The following LRBA variants were observed in gnomAD, a reference collection of about 807,000 sequenced individuals.
LRBA encodes the protein lipopolysaccharide-responsive and beige-like anchor protein.
A neutral mutation model predicts 330.0 loss-of-function variants in LRBA; 176 were observed. The observed-to-expected ratio is 0.53, with a 90% CI of 0.47 to 0.60. LRBA has a LOEUF of 0.60. LRBA is among the 20% of genes least tolerant of loss of function. The probability of loss-of-function intolerance (pLI) is 0.00; values close to 1 mark genes in which losing one functional copy is unlikely to be tolerated. For synonymous variants in LRBA, 1,230 were observed against 1,193.0 expected, an observed-to-expected ratio of 1.03 and a Z score of -0.64; for missense variants, 3,259 against 3,444.8, an observed-to-expected ratio of 0.95 and a Z score of 1.35.
At chr4:150,888,312 G>A (rs1180952660) in intron 17 of LRBA, among the ~76,000 whole-genome samples, 1 of 152,108 alleles carries the variant, frequency 6.6e-6, no homozygotes, top group Non-Finnish European at 1.5e-5. Context: ...TCTTCTAAAG[G>A]AAGTTCTTCA....
intron 44 of LRBA, among the ~76,000 whole-genome samples, chr4:150,446,412 A>G (rs926801211): frequency 2.6e-5 from 4 of 152,126 alleles, no homozygotes; most frequent in Non-Finnish European, 5.9e-5. Context: ...AACAGAAGAC[A>G]CTCTAATAAT....
chr4:150,494,514 T>C (rs567819680), intron 40 of LRBA, among the ~76,000 whole-genome samples: 1 of 152,222 alleles, frequency 6.6e-6, no homozygotes, highest in Non-Finnish European at 1.5e-5. Context: ...GACTACTCCA[T>C]TTATTAGGAG....
At chr4:150,724,625 CAACTAAGA>C (rs1344880244) in intron 36 of LRBA, among the ~76,000 whole-genome samples, 3 of 152,014 alleles carry the variant, frequency 2.0e-5, no homozygotes, top group Non-Finnish European at 4.4e-5. Flanking sequence ...AGACATATGA[CAACTAAGA>C]TAGTTAATTC....
rs192555894 is a variant in LRBA, at chr4:150,468,121, T to C, written c.6668-336A>G. Among the ~76,000 whole-genome samples the C allele has an allele frequency of 2.3e-3, 346 of 152,196 alleles. 7 individuals are homozygous for C. Among genetic ancestry groups the C allele is most frequent in the Non-Finnish European group, 6.8e-4 (46 of 67,940 alleles). ...TAATTTTTTTTATCACTTGAAAGCC[T>C]GCCCCAAATAAAATACTCTTTTTTT... On this transcript the variant is annotated intron_variant, in intron 43 of 56. Coordinates refer to ENST00000651943, the MANE Select transcript of LRBA (RefSeq NM_001364905.1).
chr4:150,704,335 C>A (rs1398663776), intron 36 of LRBA, among the ~76,000 whole-genome samples: 1 of 151,452 alleles, frequency 6.6e-6, no homozygotes, highest in Admixed American at 6.6e-5. Context: ...CTTGGTGGGG[C>A]AAAGATACTG....
At position 150,350,147 on chromosome 4, in the gene LRBA, C is replaced by G. The variant is rs1376927285; in HGVS notation, c.7207G>C (p.Glu2403Gln). ...VHINRLALES[E>Q]FVSCQLHQWI... ...TGGTGAAGCTGGCAGGAAACAAATT[C>G]ACTCTCCAGGGCCTGAAAAAAGGTA... The change falls in exon 48 of 57, where the codon GAA (glutamate) becomes CAA (glutamine). Residue 2403 changes from glutamate (E) to glutamine (Q), a missense_variant. Glu to Gln is a conservative substitution (Grantham distance 29). Transcript: ENST00000651943. 4 of 1,583,642 alleles carry G rather than the reference C, an allele frequency of 2.5e-6. No individual in the cohort carries two copies. Among genetic ancestry groups the G allele is most frequent in the Non-Finnish European group, 3.4e-6 (4 of 1,168,146 alleles).
intron 37 of LRBA, among the ~76,000 whole-genome samples, chr4:150,644,016 T>C (rs1356585233): frequency 6.6e-6 from 1 of 151,908 alleles, no homozygotes; most frequent in Non-Finnish European, 1.5e-5. Context: ...GTTTCAAATG[T>C]CACACATATA....
chr4:150,486,323 C>G (rs1757864997), intron 42 of LRBA, among the ~76,000 whole-genome samples: 1 of 151,638 alleles, frequency 6.6e-6, no homozygotes. Context: ...CTTTTTTATG[C>G]AATTTGGTTT....
chr4:150,824,322 T>C (rs1482241340), intron 30 of LRBA, among the ~76,000 whole-genome samples: 1 of 152,168 alleles, frequency 6.6e-6, no homozygotes, highest in African/African-American at 2.4e-5. Context: ...TTATGGACTC[T>C]TTAGGTTTTT....
chr4:150,417,447 A>G (rs575128619), intron 46 of LRBA, among the ~76,000 whole-genome samples: 2 of 152,274 alleles, frequency 1.3e-5, no homozygotes, highest in East Asian at 3.9e-4. Flanking sequence ...TTGTTTCACA[A>G]TAAAGAGGGA....
intron 34 of LRBA, among the ~76,000 whole-genome samples, chr4:150,784,772 G>A (rs1026942438): frequency 3.9e-5 from 6 of 151,940 alleles, no homozygotes; most frequent in African/African-American, 1.2e-4. Context: ...ACCACTCCAC[G>A]TGTGTCAGTG....
chr4:150,979,913 A>C (rs2149602183), intron 2 of LRBA, among the ~76,000 whole-genome samples: 1 of 152,292 alleles, frequency 6.6e-6, no homozygotes, highest in East Asian at 1.9e-4. Flanking sequence ...ACTAATACCA[A>C]TCCTACTCAA....
intron 44 of LRBA, among the ~76,000 whole-genome samples, chr4:150,462,403 T>C (rs1305331957): frequency 2.0e-5 from 3 of 151,832 alleles, no homozygotes; most frequent in Middle Eastern, 3.2e-3. Flanking sequence ...ATCTTCTCAA[T>C]GTACTTATGA....
chr4:150,322,878 C>T (rs1236401275), intron 49 of LRBA, among the ~76,000 whole-genome samples: 1 of 152,126 alleles, frequency 6.6e-6, no homozygotes, highest in East Asian at 1.9e-4. Flanking sequence ...AGCAGCAAAA[C>T]CAGACAAATA....
chr4:150,883,719 T>C (rs1407655064), intron 17 of LRBA, among the ~76,000 whole-genome samples: 1 of 152,192 alleles, frequency 6.6e-6, no homozygotes, highest in Non-Finnish European at 1.5e-5. Context: ...TTAAACTACA[T>C]AACTAATATA....
chr4:150,433,205 A>C lies in LRBA; in HGVS notation c.7041+2384T>G, dbSNP rs969423258. ...AAGAATAATAAGAAAAATAAGGAAG[A>C]AGAAAGGTAAAGAAGACCATGTGAT... On this transcript the variant is annotated intron_variant, in intron 46 of 56. Coordinates refer to ENST00000651943, the MANE Select transcript of LRBA (RefSeq NM_001364905.1). Among the ~76,000 whole-genome samples, 39 of 152,278 alleles carry C rather than the reference A, an allele frequency of 2.6e-4. 1 individual carries two copies. Among genetic ancestry groups the C allele is most frequent in the Admixed American group, 2.6e-3 (39 of 15,294 alleles).
intron 38 of LRBA, among the ~76,000 whole-genome samples, chr4:150,593,160 A>T (rs1345050403): frequency 3.3e-5 from 5 of 152,104 alleles, no homozygotes; most frequent in Non-Finnish European, 5.9e-5. Flanking sequence ...CATCTTCTAA[A>T]TGTTTTTATA....
chr4:150,696,091 A>G (rs993386197), intron 36 of LRBA, among the ~76,000 whole-genome samples: 1 of 152,088 alleles, frequency 6.6e-6, no homozygotes, highest in Non-Finnish European at 1.5e-5. Flanking sequence ...TCAGCTGGGC[A>G]TGGTGGCATG....
chr4:150,867,686 T>G lies in LRBA; in HGVS notation c.2751A>C (p.Ser917=), dbSNP rs145569740. 2.6e-5 allele frequency: 41 copies of G among 1,607,450 alleles called. No individual in the cohort carries two copies. The African/African-American group carries it at 4.8e-4, about 19-fold the overall frequency. ...GGWRVWVDTL[S]ITHSKVTFEI... ...AGAAACTTACCTTTGAATGAGTGAT[T>G]GATAAAGTGTCTACCCATACACGCC... The change falls in exon 22 of 57, where the codon TCA becomes TCC. Residue 917 remains serine (S), a synonymous_variant. Transcript: ENST00000651943.
Sources: allele counts gnomAD v4.1 joint callset (sites outside exome capture counted in the v4.1 genomes callset), GRCh38; gene constraint gnomAD v4.1.1; transcripts MANE v1.5; gene names NCBI Gene and HGNC (gene_info 2026-07-23, HGNC 2026-07-21).